Variants in ZFHX3 observed in about 807,000 individuals in gnomAD.
ZFHX3 encodes the protein zinc finger homeobox 3, also known as zinc finger homeobox protein 3.
In ZFHX3, 42 loss-of-function variants were observed where a neutral mutation model predicts 279.1. That is an observed-to-expected ratio of 0.15 (90% CI 0.12 to 0.19). The LOEUF is 0.19. ZFHX3 is among the 10% of genes least tolerant of loss of function. The pLI is 1.00. For synonymous variants in ZFHX3, 2,293 were observed against 1,957.8 expected, an observed-to-expected ratio of 1.17 and a Z score of -4.52; for missense variants, 4,981 against 4,754.0, an observed-to-expected ratio of 1.05 and a Z score of -1.40.
chr16:73,814,316 A>G (rs8059033), intron 1 of ZFHX3, among the ~76,000 whole-genome samples: 1 of 152,192 alleles, frequency 6.6e-6, no homozygotes, highest in Non-Finnish European at 1.5e-5. Flanking sequence ...AAAACCTAGC[A>G]CATAGCAATG....
intron 3 of ZFHX3, among the ~76,000 whole-genome samples, chr16:73,434,739 T>C (rs1205046462): frequency 6.6e-6 from 1 of 152,108 alleles, no homozygotes; most frequent in Non-Finnish European, 1.5e-5. Context: ...GGCCTTCTGT[T>C]CTCCAGTTGC....
At chr16:72,815,322 C>G (rs887950910) in intron 5 of ZFHX3, among the ~76,000 whole-genome samples, 12 of 151,606 alleles carry the variant, frequency 7.9e-5, no homozygotes, top group Admixed American at 1.3e-4. Context: ...GTGGGAGTAT[C>G]ACCTGAGCCT....
chr16:73,464,477 C>G (rs960167115), intron 2 of ZFHX3, among the ~76,000 whole-genome samples: 1 of 150,296 alleles, frequency 6.7e-6, no homozygotes, highest in Non-Finnish European at 1.5e-5. Context: ...AGTCAGCTTT[C>G]AGATGTTACA....
intron 2 of ZFHX3, among the ~76,000 whole-genome samples, chr16:73,569,839 T>A (rs1029749671): frequency 6.6e-6 from 1 of 152,188 alleles, no homozygotes; most frequent in Non-Finnish European, 1.5e-5. Flanking sequence ...AGGAACCCAC[T>A]GTCGCTTCTT....
At chr16:73,791,912 A>G (rs946577794) in intron 1 of ZFHX3, among the ~76,000 whole-genome samples, 2 of 152,244 alleles carry the variant, frequency 1.3e-5, no homozygotes, top group Non-Finnish European at 2.9e-5. Flanking sequence ...GAAGCCATTC[A>G]AGCTTACAGA....
intron 7 of ZFHX3, among the ~76,000 whole-genome samples, chr16:72,805,666 G>T (rs2036242470): frequency 6.6e-6 from 1 of 152,280 alleles, no homozygotes. Context: ...TCCAGCGAGA[G>T]GCCAGTTGCT....
intron 1 of ZFHX3, among the ~76,000 whole-genome samples, chr16:73,819,343 T>C (rs945900093): frequency 2.0e-5 from 3 of 150,502 alleles, no homozygotes; most frequent in African/African-American, 7.4e-5. Context: ...TAGATGCTGG[T>C]AGCAATCACC....
chr16:73,184,891 C>T (rs1339052313), intron 5 of ZFHX3, among the ~76,000 whole-genome samples: 1 of 152,172 alleles, frequency 6.6e-6, no homozygotes, highest in Non-Finnish European at 1.5e-5. Context: ...TTGATTATCT[C>T]CCGTGTGTGA....
At chr16:73,310,456 T>G (rs2015298792) in intron 4 of ZFHX3, among the ~76,000 whole-genome samples, 3 of 152,244 alleles carry the variant, frequency 2.0e-5, no homozygotes, top group Admixed American at 2.0e-4. Context: ...CTTTCCTGCA[T>G]ATGCAACTGA....
intron 6 of ZFHX3, among the ~76,000 whole-genome samples, chr16:73,141,560 G>T (rs1966847869): frequency 1.3e-5 from 2 of 151,948 alleles, no homozygotes; most frequent in African/African-American, 4.8e-5. Context: ...ACCGTGTAGG[G>T]CTAATTTCTA....
intron 1 of ZFHX3, among the ~76,000 whole-genome samples, chr16:73,031,054 C>G (rs1490080482): frequency 3.3e-5 from 5 of 152,190 alleles, no homozygotes; most frequent in African/African-American, 4.8e-5. Flanking sequence ...CTTACCAATC[C>G]ATAAAAAGAT....
chr16:73,723,043 C>T (rs1371745457), intron 1 of ZFHX3, among the ~76,000 whole-genome samples: 1 of 152,130 alleles, frequency 6.6e-6, no homozygotes, highest in Admixed American at 6.5e-5. Flanking sequence ...TGCAAATGTT[C>T]TCCTTTCCAT....
intron 2 of ZFHX3, among the ~76,000 whole-genome samples, chr16:73,655,389 A>C (rs1279392991): frequency 1.3e-5 from 2 of 152,236 alleles, no homozygotes; most frequent in African/African-American, 4.8e-5. Context: ...TAGAAAATCC[A>C]AACTAATCTA....
chr16:72,853,101 G>A (rs2037661271), intron 4 of ZFHX3, among the ~76,000 whole-genome samples: 1 of 152,234 alleles, frequency 6.6e-6, no homozygotes, highest in Admixed American at 6.5e-5. Flanking sequence ...TCACCTGAGG[G>A]ATGACAAGGT....
At chr16:73,168,959 C>G (rs902065829) in intron 5 of ZFHX3, among the ~76,000 whole-genome samples, 3 of 152,184 alleles carry the variant, frequency 2.0e-5, no homozygotes, top group Non-Finnish European at 4.4e-5. Flanking sequence ...TCTCCCTTAT[C>G]TGCGACTCCA....
chr16:72,953,501 G>A (rs1039299499), intron 2 of ZFHX3, among the ~76,000 whole-genome samples: 4 of 152,166 alleles, frequency 2.6e-5, no homozygotes, highest in Non-Finnish European at 1.5e-5. Flanking sequence ...CATCAACATC[G>A]CTCTAAAGAG....
intron 1 of ZFHX3, among the ~76,000 whole-genome samples, chr16:73,043,674 C>T (rs1158471867): frequency 6.6e-6 from 1 of 152,238 alleles, no homozygotes; most frequent in Non-Finnish European, 1.5e-5. Context: ...ACATTCCAGT[C>T]GTTTCCCTAC....
intron 5 of ZFHX3, among the ~76,000 whole-genome samples, chr16:73,246,707 G>A (rs1038768813): frequency 6.6e-6 from 1 of 152,178 alleles, no homozygotes; most frequent in Admixed American, 6.5e-5. Flanking sequence ...CTTTAGATAC[G>A]ATGTGCTTAA....
chr16:73,340,907 A>T (rs1440818375), intron 3 of ZFHX3, among the ~76,000 whole-genome samples: 1 of 152,214 alleles, frequency 6.6e-6, no homozygotes, highest in Non-Finnish European at 1.5e-5. Flanking sequence ...AAGATTGATA[A>T]ATTTGATTAT....
Sources: gnomAD v4.1 joint callset for allele counts (sites outside exome capture counted in the v4.1 genomes callset) on GRCh38, gnomAD v4.1.1 for gene constraint, MANE v1.5 for transcripts, NCBI Gene and HGNC (gene_info 2026-07-23, HGNC 2026-07-21) for gene names.